Variants in TEX36 observed in about 807,000 individuals in gnomAD.
The protein encoded by TEX36 is testis-expressed protein 36.
In TEX36, 12 loss-of-function variants were observed where a neutral mutation model predicts 13.6. The ratio of observed to expected loss-of-function variants is 0.88; its 90% confidence interval spans 0.56 to 1.43. The LOEUF (loss-of-function observed/expected upper bound fraction) is 1.43, where lower values mean the gene tolerates loss of function less well. Among genes scored for constraint, TEX36 ranks in the 40% most tolerant of loss-of-function variants. TEX36 has a pLI of 0.00. For missense variants in TEX36, 224 were observed against 228.3 expected, an observed-to-expected ratio of 0.98 and a Z score of 0.12; for synonymous variants, 93 against 83.0, an observed-to-expected ratio of 1.12 and a Z score of -0.65.
At chr10:125,640,054 T>G (rs2133574304) in intron 3 of TEX36, 1 of 573,290 alleles carries the variant, frequency 1.7e-6, no homozygotes, top group Middle Eastern at 8.8e-4. Context: ...TCCGCTGTGG[T>G]CACTTATTAT....
chr10:125,579,515 A>T (rs1845861197), intron 3 of TEX36, among the ~76,000 whole-genome samples: 1 of 152,204 alleles, frequency 6.6e-6, no homozygotes, highest in Non-Finnish European at 1.5e-5. Flanking sequence ...GTGGGGACAC[A>T]GTCAAATCAT....
intron 1 of TEX36, among the ~76,000 whole-genome samples, chr10:125,682,733 C>T (rs1208836672): frequency 6.6e-6 from 1 of 152,180 alleles, no homozygotes; most frequent in African/African-American, 2.4e-5. Flanking sequence ...GTGTGCTGAG[C>T]ATTTTACATG....
At chr10:125,599,598 G>T (rs1030845197) in intron 3 of TEX36, among the ~76,000 whole-genome samples, 33 of 152,238 alleles carry the variant, frequency 2.2e-4, no homozygotes, top group East Asian at 1.9e-3. Context: ...GAAAGATGGC[G>T]CATATGAGCA....
downstream of TEX36, among the ~76,000 whole-genome samples, chr10:125,618,192 AT>A (rs557914726): frequency 6.6e-6 from 1 of 151,794 alleles, no homozygotes; most frequent in Non-Finnish European, 1.5e-5. Flanking sequence ...ATTCTTCTAA[AT>A]TTTTTTCAAA....
At chr10:125,604,929 G>C (rs1846197623) in intron 3 of TEX36, among the ~76,000 whole-genome samples, 1 of 152,060 alleles carries the variant, frequency 6.6e-6, no homozygotes, top group Non-Finnish European at 1.5e-5. Context: ...GATTCTACAT[G>C]ATGGTGAGTT....
chr10:125,581,022 A>T (rs1180225354), intron 3 of TEX36, among the ~76,000 whole-genome samples: 6 of 152,156 alleles, frequency 3.9e-5, no homozygotes, highest in African/African-American at 1.4e-4. Flanking sequence ...TCCCAAGGAC[A>T]TTTGTGCTCA....
At chr10:125,654,421 G>A (rs577103301), downstream of TEX36, among the ~76,000 whole-genome samples, 3 of 152,258 alleles carry the variant, frequency 2.0e-5, no homozygotes, top group East Asian at 3.9e-4. Context: ...CTTACTGAAG[G>A]ACATAAAGTA....
At chr10:125,642,292 C>T (rs935514710) in intron 3 of TEX36, among the ~76,000 whole-genome samples, 4 of 152,138 alleles carry the variant, frequency 2.6e-5, no homozygotes, top group East Asian at 3.9e-4. Context: ...CCATGTAACC[C>T]GTGTGTCAGA....
intron 3 of TEX36, among the ~76,000 whole-genome samples, chr10:125,649,809 A>C (rs190278985): frequency 1.3e-4 from 20 of 152,328 alleles, no homozygotes; most frequent in Admixed American, 9.1e-4. Flanking sequence ...AAGATCTACG[A>C]AGCAAATGGA....
At chr10:125,620,940 T>G (rs1488786869), downstream of TEX36, among the ~76,000 whole-genome samples, 2 of 152,196 alleles carry the variant, frequency 1.3e-5, no homozygotes, top group East Asian at 3.8e-4. Flanking sequence ...TTATCCATGT[T>G]GTAGCATGTG....
intron 3 of TEX36, among the ~76,000 whole-genome samples, chr10:125,587,426 A>G (rs1308202948): frequency 6.6e-6 from 1 of 152,248 alleles, no homozygotes; most frequent in East Asian, 1.9e-4. Flanking sequence ...AAAGTTACAG[A>G]GTAAAAAGCC....
At chr10:125,641,165 G>A (rs1336288138) in intron 3 of TEX36, among the ~76,000 whole-genome samples, 1 of 152,176 alleles carries the variant, frequency 6.6e-6, no homozygotes, top group African/African-American at 2.4e-5. Flanking sequence ...AATTAGCCAT[G>A]GCAGGAGAAG....
downstream of TEX36, among the ~76,000 whole-genome samples, chr10:125,617,647 C>A (rs1225123312): frequency 8.5e-5 from 13 of 152,150 alleles, no homozygotes; most frequent in Non-Finnish European, 1.2e-4. Flanking sequence ...AGTTTCTGCC[C>A]AGAGATCTGC....
At chr10:125,673,382 G>A (rs1035600432) in intron 1 of TEX36, among the ~76,000 whole-genome samples, 1 of 152,098 alleles carries the variant, frequency 6.6e-6, no homozygotes, top group Non-Finnish European at 1.5e-5. Flanking sequence ...GCTTAGTTTA[G>A]CCAGATATGA....
intron 3 of TEX36, among the ~76,000 whole-genome samples, chr10:125,642,875 C>CA (rs1214852847): frequency 6.6e-6 from 1 of 152,072 alleles, no homozygotes; most frequent in Non-Finnish European, 1.5e-5. Flanking sequence ...TTGGTTTTTC[C>CA]ACTGTATTTA....
chr10:125,619,733 T>C (rs186200778), downstream of TEX36, among the ~76,000 whole-genome samples: 8 of 152,138 alleles, frequency 5.3e-5, no homozygotes. Flanking sequence ...ATTTTTGTAC[T>C]TTTAGTAGAG....
At chr10:125,655,477 T>C (rs929311505), downstream of TEX36, among the ~76,000 whole-genome samples, 3 of 152,156 alleles carry the variant, frequency 2.0e-5, no homozygotes, top group Non-Finnish European at 4.4e-5. Flanking sequence ...TATTTTGCAC[T>C]GTGTAACATA....
chr10:125,666,975 G>T (rs1847132064), intron 1 of TEX36: 8 of 1,146,290 alleles, frequency 7.0e-6, no homozygotes, highest in Middle Eastern at 2.4e-4. Flanking sequence ...GTTGGCCACG[G>T]CTCACTTGAC....
intron 3 of TEX36, among the ~76,000 whole-genome samples, chr10:125,613,160 G>A (rs1250143689): frequency 3.3e-5 from 5 of 150,906 alleles, no homozygotes; most frequent in African/African-American, 7.3e-5. Context: ...TCTGCCGCTC[G>A]GCTGGAATCC....
Sources: gnomAD v4.1 joint callset for allele counts (sites outside exome capture counted in the v4.1 genomes callset) on GRCh38, gnomAD v4.1.1 for gene constraint, MANE v1.5 for transcripts, NCBI Gene and HGNC (gene_info 2026-07-23, HGNC 2026-07-21) for gene names.